FANCI: variants seen among roughly 807,000 people sequenced by gnomAD.
FANCI encodes Fanconi anemia group I protein.
Under a neutral mutation model 176.1 loss-of-function variants are expected in FANCI, and 156 were observed. The ratio of observed to expected loss-of-function variants is 0.89; its 90% confidence interval spans 0.78 to 1.01. The LOEUF (loss-of-function observed/expected upper bound fraction) is 1.01, where lower values mean the gene tolerates loss of function less well. Among genes scored for constraint, FANCI ranks in the 50% least tolerant of loss-of-function variants. FANCI has a pLI of 0.00. For missense variants in FANCI, 1,678 were observed against 1,534.1 expected, an observed-to-expected ratio of 1.09 and a Z score of -1.57; for synonymous variants, 613 against 541.7, an observed-to-expected ratio of 1.13 and a Z score of -1.83.
At chr15:89,308,711 G>A (rs1023507635) in intron 34 of FANCI, among the ~76,000 whole-genome samples, 10 of 152,104 alleles carry the variant, frequency 6.6e-5, no homozygotes, top group Non-Finnish European at 1.5e-4. Context: ...TTGGGAGGCC[G>A]AGGCGGGTGG....
intron 24 of FANCI, among the ~76,000 whole-genome samples, chr15:89,297,399 C>T (rs2054340192): frequency 1.3e-5 from 2 of 151,272 alleles, no homozygotes; most frequent in South Asian, 4.2e-4. Context: ...CTTTGGGAGG[C>T]CAAGGCAGGC....
chr15:89,301,228 T>C, intron 26 of FANCI, 98 bp from the exon 27 acceptor site: 1 of 832,626 alleles, frequency 1.2e-6, no homozygotes, highest in Non-Finnish European at 2.1e-6. Flanking sequence ...TTTGAATTCT[T>C]TCTGTCCTAG....
At chr15:89,276,952 G>A in intron 13 of FANCI, 61 bp downstream of exon 13, 2 of 1,574,594 alleles carry the variant, frequency 1.3e-6, no homozygotes, top group Admixed American at 1.7e-5. Flanking sequence ...GTAGGGCTTG[G>A]CATTTGCCTG....
intron 30 of FANCI, 67 bp from the exon 31 acceptor site, chr15:89,305,538 A>T: frequency 6.3e-7 from 1 of 1,597,940 alleles, no homozygotes; most frequent in Non-Finnish European, 8.6e-7. Context: ...TGGCCAGGTG[A>T]CCACAGTTAT....
At chr15:89,311,380 T>C (rs544806958) in intron 34 of FANCI, among the ~76,000 whole-genome samples, 2 of 152,124 alleles carry the variant, frequency 1.3e-5, no homozygotes, top group African/African-American at 4.8e-5. Flanking sequence ...GATCGCACCA[T>C]TGTACTCCAG....
chr15:89,303,757 G>T lies in FANCI; in HGVS notation c.3007-107G>T, dbSNP rs1161489699. 8 of 888,604 alleles carry T rather than the reference G, an allele frequency of 9.0e-6. No homozygotes were observed. In the African/African-American group the frequency reaches 9.8e-5, roughly 11 times the overall value. The allele number at this position is 888,604 out of a possible 1,614,324, so 55.0% of individuals were successfully genotyped here. A position where few individuals can be genotyped will look rare whatever the true frequency, so the allele number is the denominator to read the frequency against. ...ACTTGAGATCTAAGGACATGTTTTG[G>T]CAGCTGATTTGCTTAGATATGGAAA... On this transcript the variant is annotated intron_variant, in intron 27 of 37. Coordinates refer to ENST00000310775, the MANE Select transcript of FANCI (RefSeq NM_001113378.2).
At chr15:89,312,208 G>C (rs2054991349) in intron 34 of FANCI, among the ~76,000 whole-genome samples, 2 of 152,070 alleles carry the variant, frequency 1.3e-5, no homozygotes, top group Non-Finnish European at 2.9e-5. Flanking sequence ...TCTCCTTTAT[G>C]GGATCCTTCT....
Position 89,258,786 on chromosome 15 carries a change from A to G in FANCI, c.157+10A>G, listed in dbSNP as rs767824326. 1.3e-6 allele frequency: 2 copies of G among 1,592,792 alleles called. No homozygotes were observed. The highest frequency in any genetic ancestry group is 2.2e-5 in the South Asian group (2 of 90,640). On this transcript the variant is annotated intron_variant, in intron 3 of 37. Transcript: ENST00000310775. ...AGAGCCATCTTCAAAGGTAATAATA[A>G]TTAATGTCACTTCTGTCTGTCTCCT... is the stretch of plus-strand genomic sequence containing the variant.
chr15:89,255,035 A>G (rs1028569383), intron 2 of FANCI, among the ~76,000 whole-genome samples: 2 of 152,116 alleles, frequency 1.3e-5, no homozygotes, highest in African/African-American at 2.4e-5. Flanking sequence ...TATTTCACTA[A>G]TGTTCTCTTT....
In FANCI at chr15:89,316,873, A is replaced by C. The variant is rs770976413; in HGVS notation, c.*414A>C. ...GTTAGGATGCCACCTCAAGAACTGTAACTGAGAGCTCAGAAGTGAGCAAAG... is the reference window on the plus strand; with the variant it reads ...GTTAGGATGCCACCTCAAGAACTGTCACTGAGAGCTCAGAAGTGAGCAAAG... On this transcript the variant is annotated 3_prime_UTR_variant, in exon 38 of 38. Coordinates refer to ENST00000310775, the MANE Select transcript of FANCI (RefSeq NM_001113378.2). 7 of 1,369,426 alleles carry C rather than the reference A, an allele frequency of 5.1e-6. No individual in the cohort carries two copies. In the South Asian group the frequency reaches 8.1e-5, roughly 16 times the overall value. The allele number at this position is 1,369,426 out of a possible 1,614,324, so 84.8% of individuals were successfully genotyped here.
intron 35 of FANCI, among the ~76,000 whole-genome samples, chr15:89,313,926 C>CACACAT (rs1364757336): frequency 1.2e-4 from 18 of 146,644 alleles, no homozygotes; most frequent in African/African-American, 3.3e-4. Context: ...CACACACACA[C>CACACAT]GTAGGACCTA....
At chr15:89,267,574 A>G (rs1384139949) in intron 9 of FANCI, among the ~76,000 whole-genome samples, 1 of 152,036 alleles carries the variant, frequency 6.6e-6, no homozygotes, top group East Asian at 1.9e-4. Context: ...CTGGGAAGAG[A>G]TTGTGAGATA....
rs2053605169 is a variant in FANCI at position 89,281,305 on chromosome 15, G to C, written c.1512+5G>C. 6.2e-7 allele frequency: 1 copy of C among 1,613,598 alleles called. No individual in the cohort carries two copies. Among genetic ancestry groups the C allele is most frequent in the East Asian group, 2.2e-5 (1 of 44,794 alleles). The stretch of plus-strand genomic sequence containing the variant: ...AGGCTGCTTAAGGCAGTGCAGGTAA[G>C]TCTTCAGATTCCCAAGTAACTTGCC... On this transcript the variant is annotated splice_donor_5th_base_variant and intron_variant, in intron 15 of 37. Coordinates refer to ENST00000310775, the MANE Select transcript of FANCI (RefSeq NM_001113378.2).
chr15:89,303,850 G>C lies in FANCI; in HGVS notation c.3007-14G>C. ...TGGCATGTTTCTTTAATATCTGAATGATCTCTAATTTAGTTTGTGCAGATG... is the reference window on the plus strand; with the variant it reads ...TGGCATGTTTCTTTAATATCTGAATCATCTCTAATTTAGTTTGTGCAGATG... On this transcript the variant is annotated splice_polypyrimidine_tract_variant and intron_variant, in intron 27 of 37. Coordinates refer to ENST00000310775, the MANE Select transcript of FANCI (RefSeq NM_001113378.2). 1 of 1,611,900 alleles carries C rather than the reference G, an allele frequency of 6.2e-7. No individual in the cohort carries two copies. The highest frequency in any genetic ancestry group is 1.1e-5 in the South Asian group (1 of 91,032).
chr15:89,286,068 C>T (rs761662955), intron 18 of FANCI, among the ~76,000 whole-genome samples: 1 of 152,076 alleles, frequency 6.6e-6, no homozygotes, highest in Admixed American at 6.6e-5. Context: ...ACTGCAGCCT[C>T]CATCCTCCAT....
chr15:89,251,092 T>G (rs59815555), intron 2 of FANCI, among the ~76,000 whole-genome samples: 1 of 151,806 alleles, frequency 6.6e-6, no homozygotes, highest in African/African-American at 2.4e-5. Context: ...AACAGTGGAG[T>G]AAAAACATGC....
rs1060501897 is a variant in FANCI, at chr15:89,274,294, G to A, written c.1102G>A (p.Val368Met). ...TGTTTCAACCATGATCTTGGAAGTAGTGAAGAATAGGTAAGTTGGTGAACC... is the reference window on the plus strand; with the variant it reads ...TGTTTCAACCATGATCTTGGAAGTAATGAAGAATAGGTAAGTTGGTGAACC... ...SYVSTMILEV[V>M]KNSVHSWDHV... The change falls in exon 12 of 38, where the codon GTG becomes ATG. Residue 368 changes from valine (V) to methionine (M), a missense_variant. By Grantham distance (21) the Val-to-Met change is conservative (BLOSUM62 1). Transcript: ENST00000310775. 9 of 1,613,506 alleles carry A rather than the reference G, an allele frequency of 5.6e-6. No homozygotes were observed. In the African/African-American group the frequency reaches 9.3e-5, roughly 17 times the overall value.
At chr15:89,284,949 T>C (rs2053758620) in intron 17 of FANCI, 147 bp from the exon 18 acceptor site, 2 of 835,504 alleles carry the variant, frequency 2.4e-6, no homozygotes, top group Non-Finnish European at 4.1e-6. Flanking sequence ...TACTACTGCA[T>C]GGTAATGATT....
intron 2 of FANCI, among the ~76,000 whole-genome samples, chr15:89,250,811 C>CATGTTAAAAATCCATGGAATA (rs2052214596): frequency 6.6e-6 from 1 of 151,156 alleles, no homozygotes; most frequent in Non-Finnish European, 1.5e-5. Context: ...AAAAATACTA[C>CATGTTAAAAATCCATGGAATA]ATGTTAAAAA....
Sources: allele counts gnomAD v4.1 joint callset (sites outside exome capture counted in the v4.1 genomes callset), GRCh38; gene constraint gnomAD v4.1.1; transcripts MANE v1.5; gene names NCBI Gene and HGNC (gene_info 2026-07-23, HGNC 2026-07-21).